RYR1: variants seen among roughly 807,000 people sequenced by gnomAD.
The protein encoded by RYR1 is ryanodine receptor 1.
RYR1 carries 342 observed loss-of-function variants against 583.5 expected under a neutral mutation model. The ratio of observed to expected loss-of-function variants is 0.59; its 90% CI spans 0.54 to 0.64. The LOEUF (loss-of-function observed/expected upper bound fraction) is 0.64, where lower values mean the gene tolerates loss of function less well. Among genes scored for constraint, RYR1 ranks in the 30% least tolerant of loss-of-function variants. The pLI is 0.00. For synonymous variants in RYR1, 2,791 were observed against 2,822.5 expected (o/e 0.99, Z 0.35); for missense variants, 6,032 against 6,917.2 (o/e 0.87, Z 4.54).
At chr19:38,462,284 T>C (rs575103957) in intron 20 of RYR1, among the ~76,000 whole-genome samples, 1 of 152,166 alleles carries the variant, frequency 6.6e-6, no homozygotes, top group African/African-American at 2.4e-5. Context: ...GTAAGATGAA[T>C]GGATATAGGC....
intron 23 of RYR1, among the ~76,000 whole-genome samples, chr19:38,465,206 C>T (rs1206941327): frequency 1.3e-5 from 2 of 152,064 alleles, no homozygotes; most frequent in Non-Finnish European, 2.9e-5. Flanking sequence ...TGAGGTGGCT[C>T]ACACCTGTAA....
chr19:38,570,117 C>G (rs1017418645), intron 93 of RYR1, among the ~76,000 whole-genome samples: 1 of 152,038 alleles, frequency 6.6e-6, no homozygotes, highest in South Asian at 2.1e-4. Context: ...GCCGAGATGG[C>G]GCCACTGCAT....
intron 28 of RYR1, 106 bp downstream of exon 28, chr19:38,473,877 A>G (rs1418018871): frequency 1.3e-6 from 1 of 791,210 alleles, no homozygotes; most frequent in Non-Finnish European, 2.0e-6. Flanking sequence ...AAGTAGACCC[A>G]TATATGCTAA....
At chr19:38,562,858 C>T (rs1465667624) in intron 90 of RYR1, among the ~76,000 whole-genome samples, 1 of 152,206 alleles carries the variant, frequency 6.6e-6, no homozygotes, top group African/African-American at 2.4e-5. Flanking sequence ...TGATCCCTCC[C>T]TGGCCCCCGG....
intron 42 of RYR1, among the ~76,000 whole-genome samples, chr19:38,498,310 AG>A (rs1352480644): frequency 6.6e-5 from 10 of 152,104 alleles, no homozygotes; most frequent in African/African-American, 2.4e-4. Flanking sequence ...AGGTGTTCAC[AG>A]GGTCCCTCTG....
chr19:38,505,612 C>G (rs533365319), intron 53 of RYR1, among the ~76,000 whole-genome samples, 194 bp from the exon 54 acceptor site: 46 of 152,190 alleles, frequency 3.0e-4, no homozygotes, highest in African/African-American at 1.0e-3. Context: ...TAAGACTTCT[C>G]GGAGACTCAA....
At chr19:38,475,020 C>A (rs527601669) in intron 28 of RYR1, among the ~76,000 whole-genome samples, 10 of 152,152 alleles carry the variant, frequency 6.6e-5, no homozygotes, top group African/African-American at 2.4e-4. Context: ...GCATTTAGCA[C>A]CTATACGAGA....
At chr19:38,520,009 C>T (rs1197121616) in intron 67 of RYR1, among the ~76,000 whole-genome samples, 1 of 150,346 alleles carries the variant, frequency 6.7e-6, no homozygotes, top group Non-Finnish European at 1.5e-5. Context: ...TCTCCTAATG[C>T]TGGACATTTA....
chr19:38,552,461 C>T (rs1434733687), intron 89 of RYR1, among the ~76,000 whole-genome samples: 1 of 152,006 alleles, frequency 6.6e-6, no homozygotes, highest in Admixed American at 6.6e-5. Flanking sequence ...CCATGTTGGC[C>T]AAGGTGGTCT....
intron 84 of RYR1, among the ~76,000 whole-genome samples, chr19:38,540,383 A>C (rs1972145557): frequency 6.9e-6 from 1 of 144,916 alleles, no homozygotes; most frequent in South Asian, 2.2e-4. Context: ...ATAAACCTCC[A>C]ATCATATACT....
At chr19:38,454,788 T>A (rs201738668) in intron 13 of RYR1, among the ~76,000 whole-genome samples, 3 of 146,164 alleles carry the variant, frequency 2.1e-5, no homozygotes, top group African/African-American at 5.0e-5. Flanking sequence ...TATTAAAATG[T>A]AAAAAAAAAA....
rs770314263 is a variant in RYR1 at position 38,502,607 on chromosome 19, C to T, written c.7715C>T (p.Thr2572Ile). Residue 2572 changes from threonine (T) to isoleucine (I), a missense_variant, in exon 48 of 106, where the codon ACA becomes ATA. This residue lies in a region of RYR1 where 250 missense variants were observed against 162.3 expected (regional missense o/e 1.54). Transcript: ENST00000359596. ...ITKCAPLFAG[T>I]EHRAIMVDSM... ...AAGTGTGCGCCGCTCTTTGCGGGCA[C>T]AGAACACCGCGCCATCATGGTGGAC... The T allele has an allele frequency of 6.8e-6, 11 of 1,612,896 alleles. No homozygotes were observed. The highest frequency in any genetic ancestry group is 9.3e-6 in the Non-Finnish European group (11 of 1,179,912).
intron 101 of RYR1, among the ~76,000 whole-genome samples, chr19:38,582,420 A>G (rs1047910555): frequency 6.6e-6 from 1 of 151,520 alleles, no homozygotes; most frequent in African/African-American, 2.4e-5. Context: ...AAAAAAAAAG[A>G]CTTAGACTAG....
intron 76 of RYR1, 86 bp downstream of exon 76, chr19:38,529,143 G>A: frequency 7.4e-7 from 1 of 1,346,000 alleles, no homozygotes; most frequent in South Asian, 1.2e-5. Context: ...CCTCAGGAGA[G>A]GCCCTCCAGG....
chr19:38,539,038 T>C (rs1972091216), intron 84 of RYR1, among the ~76,000 whole-genome samples: 4 of 149,002 alleles, frequency 2.7e-5, no homozygotes, highest in Admixed American at 6.6e-5. Flanking sequence ...ATTAGTAATC[T>C]TACTTCCATA....
Position 38,500,960 on chromosome 19 carries a change from C to T in RYR1, c.7584C>T (p.Pro2528=), listed in dbSNP as rs1465698. ...LLHVLDVGFL[P]DMRAAASLDT... is the part of the protein sequence containing the mutation. Reference sequence around the variant, plus strand: ...ACGTGCTGGACGTGGGGTTCCTGCCCGACATGAGGGCAGCCGCCTCGCTGG... The same window carrying T: ...ACGTGCTGGACGTGGGGTTCCTGCCTGACATGAGGGCAGCCGCCTCGCTGG... The change falls in exon 47 of 106, where the codon CCC becomes CCT. Residue 2528 remains proline (P), a synonymous_variant. Transcript: ENST00000359596. The surrounding 1 kb of genome is among the most constrained non-coding windows in gnomAD (Gnocchi z 5.9). The T allele has an allele frequency of 6.3e-3, 10,208 of 1,613,114 alleles. 248 individuals carry two copies. The East Asian group carries it at 0.073, about 11-fold the overall frequency.
rs1310926176 is a variant in RYR1, at chr19:38,494,591, C to T, written c.6514C>T (p.Pro2172Ser). ...IRSLLIVQMG[P>S]QEENLMIQSI... ...CTCGCTGCTCATCGTGCAGATGGGCCCCCAGGAGGAGAACCTCATGATCCA... is the reference window on the plus strand; with the variant it reads ...CTCGCTGCTCATCGTGCAGATGGGCTCCCAGGAGGAGAACCTCATGATCCA... Residue 2172 changes from proline (P) to serine (S), a missense_variant, in exon 39 of 106, where the codon CCC becomes TCC. Pro to Ser is a moderately conservative substitution (Grantham distance 74). This residue lies in a region of RYR1 where 2,627 missense variants were observed against 2,961.3 expected (regional missense o/e 0.89). Transcript: ENST00000359596. 14 of 1,613,918 alleles carry T rather than the reference C, an allele frequency of 8.7e-6. No individual in the cohort carries two copies. In the Admixed American group the frequency reaches 2.3e-4, roughly 27 times the overall value.
chr19:38,528,079 G>A, intron 73 of RYR1: 2 of 630,824 alleles, frequency 3.2e-6, no homozygotes, highest in Non-Finnish European at 5.6e-6. Context: ...AGAATTGGTC[G>A]TGGCCTGGCT....
In RYR1 at chr19:38,585,800, ATCTTC is replaced by A. The variant is rs1279240258; in HGVS notation, c.14804-136_14804-132del. 4.7e-5 allele frequency: 50 copies of A among 1,065,018 alleles called. No homozygotes were observed. In the East Asian group the frequency reaches 1.1e-3, roughly 23 times the overall value. 66.0% of individuals were successfully genotyped at this position (1,065,018 alleles called of 1,614,324 possible). ...ACCCGGCCAATAAAGGCCTAATACT[ATCTTC>A]TTAGGAAGCGAGATTAGGGGTGAGA... On this transcript the variant is annotated intron_variant, in intron 102 of 105. Coordinates refer to ENST00000359596, the MANE Select transcript of RYR1 (RefSeq NM_000540.3).
Sources: allele counts gnomAD v4.1 joint callset (sites outside exome capture counted in the v4.1 genomes callset), GRCh38; gene constraint gnomAD v4.1.1; regional missense constraint gnomAD v4.1.1; non-coding constraint Gnocchi (gnomAD v3.1); transcripts MANE v1.5; gene names NCBI Gene and HGNC (gene_info 2026-07-23, HGNC 2026-07-21).